The following DRC4 variants were observed in gnomAD, a reference collection of about 807,000 sequenced individuals.
DRC4 encodes the protein GAS-11.
At chr16:90,027,643 A>G in the DRC4 span, 1 of 1,614,024 alleles carries the variant, frequency 6.2e-7, no homozygotes, top group African/African-American at 1.3e-5. Flanking sequence ...AAGGCACCGA[A>G]AAAGAAAGGG....
At chr16:90,043,312 G>A in the DRC4 span, 1 of 1,611,342 alleles carries the variant, frequency 6.2e-7, no homozygotes, top group South Asian at 1.1e-5. Flanking sequence ...CACTGGGCCA[G>A]GGCCCCGCGG....
chr16:90,026,258 C>T, the DRC4 span, among the ~76,000 whole-genome samples: 2 of 152,188 alleles, frequency 1.3e-5, no homozygotes, highest in African/African-American at 2.4e-5. Context: ...GACAGAACTG[C>T]TCCTGGTGTC....
chr16:90,031,470 G>C, the DRC4 span: 3 of 1,578,460 alleles, frequency 1.9e-6, no homozygotes, highest in Non-Finnish European at 2.6e-6. Context: ...GGAAGAAGCC[G>C]AGGAGAGGCA....
At chr16:90,043,409 A>G in the DRC4 span, 2 of 1,469,056 alleles carry the variant, frequency 1.4e-6, no homozygotes, top group Non-Finnish European at 1.8e-6. Flanking sequence ...GACACCCCTT[A>G]TCACACCAAG....
the DRC4 span, chr16:90,031,069 C>A: frequency 1.1e-6 from 1 of 922,318 alleles, no homozygotes; most frequent in Non-Finnish European, 1.6e-6. Flanking sequence ...ATGAAAGGAT[C>A]TAGTTATTTT....
chr16:90,034,020 C>T, the DRC4 span, among the ~76,000 whole-genome samples: 53 of 151,952 alleles, frequency 3.5e-4, 1 homozygote, highest in African/African-American at 1.1e-3. Flanking sequence ...TCGTCCGCCT[C>T]GAAAGCCGTG....
At chr16:90,043,295 G>A in the DRC4 span, 18 of 1,613,240 alleles carry the variant, frequency 1.1e-5, no homozygotes, top group East Asian at 8.9e-5. Context: ...AGCTGTGATC[G>A]GACAGACACT....
At chr16:90,029,200 A>G in the DRC4 span, 15 of 1,352,566 alleles carry the variant, frequency 1.1e-5, no homozygotes, top group Middle Eastern at 4.3e-4. Context: ...GGGGCAGCCT[A>G]CGGGGCAGGC....
At chr16:90,044,330 T>C in the DRC4 span, 1 of 414,710 alleles carries the variant, frequency 2.4e-6, no homozygotes, top group South Asian at 1.7e-5. Context: ...GTAGAGTCTA[T>C]TGCTGCCTGG....
the DRC4 span, chr16:90,040,131 GC>G: frequency 3.0e-6 from 2 of 663,236 alleles, no homozygotes; most frequent in Admixed American, 4.4e-5. Context: ...TCTACAAAGG[GC>G]CAGGGCGCAG....
chr16:90,044,541 C>CTT, the DRC4 span: 1 of 471,266 alleles, frequency 2.1e-6, no homozygotes, highest in African/African-American at 2.0e-5. Context: ...CCCTCTTCCT[C>CTT]CAGTAGCCCT....
chr16:90,042,182 C>T, the DRC4 span: 2 of 496,016 alleles, frequency 4.0e-6, no homozygotes, highest in African/African-American at 1.9e-5. Flanking sequence ...GTGATCTGCC[C>T]TCCTTGGCCT....
the DRC4 span, chr16:90,035,519 G>C: frequency 3.0e-6 from 4 of 1,338,626 alleles, no homozygotes; most frequent in Non-Finnish European, 4.3e-6. Context: ...AGTTGAGGGA[G>C]GTGAGTTAGG....
At chr16:90,035,455 G>C in the DRC4 span, among the ~76,000 whole-genome samples, 150 of 152,326 alleles carry the variant, frequency 9.8e-4, no homozygotes, top group Middle Eastern at 3.4e-3. Context: ...AACCAAGCGG[G>C]TTCAGTGCTC....
At chr16:90,043,082 G>A in the DRC4 span, 1 of 1,245,504 alleles carries the variant, frequency 8.0e-7, no homozygotes, top group Non-Finnish European at 1.1e-6. Flanking sequence ...TAAGCCTTTG[G>A]CTTTATCCTT....
the DRC4 span, chr16:90,040,319 A>G: frequency 5.6e-6 from 9 of 1,593,040 alleles, no homozygotes; most frequent in Non-Finnish European, 7.7e-6. Flanking sequence ...GAGCGGGACG[A>G]GCTCTATCGG....
chr16:90,036,636 T>C, the DRC4 span: 3 of 1,518,128 alleles, frequency 2.0e-6, no homozygotes, highest in South Asian at 2.4e-5. Context: ...TGTCCTAGAA[T>C]GTGGGCTGCA....
At chr16:90,037,142 G>T in the DRC4 span, 1 of 1,345,676 alleles carries the variant, frequency 7.4e-7, no homozygotes, top group Non-Finnish European at 1.0e-6. Context: ...CTGGTGATGG[G>T]CAGGAGAGCA....
the DRC4 span, chr16:90,031,401 A>C: frequency 6.2e-7 from 1 of 1,613,918 alleles, no homozygotes; most frequent in East Asian, 2.2e-5. Flanking sequence ...CTTCTGGGAG[A>C]TCACACGGAG....
Sources: allele counts gnomAD v4.1 joint callset (sites outside exome capture counted in the v4.1 genomes callset), GRCh38; gene constraint gnomAD v4.1.1; transcripts MANE v1.5; gene names NCBI Gene and HGNC (gene_info 2026-07-23, HGNC 2026-07-21).